Variants in MYO18B observed in about 807,000 individuals in gnomAD.
MYO18B encodes myosin XVIIIB.
MYO18B carries 204 observed loss-of-function variants against 273.0 expected under a neutral mutation model. That is an observed-to-expected ratio of 0.75 (90% CI 0.67 to 0.84). The LOEUF (loss-of-function observed/expected upper bound fraction) is 0.84, where lower values mean the gene tolerates loss of function less well. MYO18B is among the 40% of genes least tolerant of loss of function. The probability of loss-of-function intolerance (pLI) is 0.00; values close to 1 mark genes in which losing one functional copy is unlikely to be tolerated. For synonymous variants in MYO18B, 1,330 were observed against 1,305.7 expected (o/e 1.02, Z -0.40); for missense variants, 3,212 against 3,287.6 (o/e 0.98, Z 0.56).
At chr22:25,966,234 T>TTTTG (rs1469033839) in intron 39 of MYO18B, among the ~76,000 whole-genome samples, 1 of 152,188 alleles carries the variant, frequency 6.6e-6, no homozygotes, top group African/African-American at 2.4e-5. Context: ...AGGTTCTGTT[T>TTTTG]TTTGTTTGTT....
chr22:25,953,160 G>T (rs996820823), intron 38 of MYO18B, among the ~76,000 whole-genome samples: 1 of 152,172 alleles, frequency 6.6e-6, no homozygotes, highest in East Asian at 1.9e-4. Context: ...GGGAACACAG[G>T]TGTTCACTTC....
intron 12 of MYO18B, among the ~76,000 whole-genome samples, chr22:25,807,906 T>A (rs2088557048): frequency 6.6e-6 from 1 of 151,906 alleles, no homozygotes; most frequent in South Asian, 2.1e-4. Flanking sequence ...GCCTCACAGG[T>A]CTGTTTTGCA....
chr22:25,875,005 T>C (rs975903698), intron 23 of MYO18B, among the ~76,000 whole-genome samples: 2 of 152,246 alleles, frequency 1.3e-5, no homozygotes, highest in Non-Finnish European at 2.9e-5. Context: ...TACCTTAGAA[T>C]TGTTATTCTT....
At chr22:25,803,444 T>C in intron 12 of MYO18B, among the ~76,000 whole-genome samples, 1 of 152,130 alleles carries the variant, frequency 6.6e-6, no homozygotes, top group East Asian at 1.9e-4. Flanking sequence ...TGGGTCATAG[T>C]AACTGCTCAG....
chr22:25,781,609 C>CAAAAAAAAAAAAA, intron 9 of MYO18B, 125 bp from the exon 10 acceptor site: 1 of 275,480 alleles, frequency 3.6e-6, no homozygotes, highest in Non-Finnish European at 6.2e-6. Context: ...GACTCCGTCT[C>CAAAAAAAAAAAAA]AAAAAAAAAA....
chr22:25,792,418 G>GTCCT (rs1017292037), intron 11 of MYO18B, among the ~76,000 whole-genome samples: 8 of 150,502 alleles, frequency 5.3e-5, no homozygotes, highest in African/African-American at 2.0e-4. Flanking sequence ...ACTGACACCT[G>GTCCT]TCCTGCCCTC....
At chr22:25,833,493 ACTCT>A (rs1366561846) in intron 16 of MYO18B, among the ~76,000 whole-genome samples, 5 of 151,186 alleles carry the variant, frequency 3.3e-5, no homozygotes, top group African/African-American at 1.2e-4. Context: ...TCTTTACCTC[ACTCT>A]CTCCACCCCT....
chr22:25,816,920 G>C (rs2089039493), intron 12 of MYO18B, among the ~76,000 whole-genome samples: 1 of 152,198 alleles, frequency 6.6e-6, no homozygotes, highest in Admixed American at 6.5e-5. Flanking sequence ...ACCAGATGCA[G>C]CAAGATTATA....
At chr22:26,033,125 C>T (rs576486801), downstream of MYO18B, among the ~76,000 whole-genome samples, 2 of 152,312 alleles carry the variant, frequency 1.3e-5, no homozygotes, top group East Asian at 1.9e-4. Flanking sequence ...AACAGACTCA[C>T]ATTGCCTTCC....
chr22:25,876,037 TG>T (rs748058879), intron 23 of MYO18B, among the ~76,000 whole-genome samples, 151 bp from the exon 24 acceptor site: 11 of 140,714 alleles, frequency 7.8e-5, no homozygotes, highest in Non-Finnish European at 1.4e-4. Context: ...TGTGTGTGTG[TG>T]TGTGTGTATG....
intron 12 of MYO18B, among the ~76,000 whole-genome samples, chr22:25,806,374 AG>A (rs2088478674): frequency 6.6e-6 from 1 of 152,118 alleles, no homozygotes; most frequent in Non-Finnish European, 1.5e-5. Flanking sequence ...AGTTTATTAC[AG>A]ATTTGTCTCG....
At chr22:25,902,465 C>T (rs1158448362) in intron 29 of MYO18B, 148 bp from the exon 30 acceptor site, 2 of 901,336 alleles carry the variant, frequency 2.2e-6, no homozygotes, top group Non-Finnish European at 1.6e-6. Flanking sequence ...ACTTCTCATA[C>T]TTTCTCTATC....
intron 42 of MYO18B, among the ~76,000 whole-genome samples, chr22:26,017,399 C>T (rs1309028911): frequency 1.3e-5 from 2 of 151,862 alleles, no homozygotes; most frequent in Non-Finnish European, 2.9e-5. Context: ...TCCTCCTCTC[C>T]CTTCTCTTTT....
chr22:25,856,343 T>C (rs185003611), intron 21 of MYO18B, among the ~76,000 whole-genome samples: 3 of 152,364 alleles, frequency 2.0e-5, no homozygotes, highest in Admixed American at 6.5e-5. Flanking sequence ...AGAAGCCCTC[T>C]GAGGGCAGGC....
intron 8 of MYO18B, among the ~76,000 whole-genome samples, chr22:25,779,184 A>G (rs938287318): frequency 5.9e-5 from 9 of 152,146 alleles, no homozygotes; most frequent in African/African-American, 2.2e-4. Context: ...CAGGGGCAAT[A>G]TCCTCCCCAC....
At chr22:25,753,432 T>A (rs1046541432) in intron 1 of MYO18B, among the ~76,000 whole-genome samples, 9 of 152,024 alleles carry the variant, frequency 5.9e-5, no homozygotes, top group Non-Finnish European at 8.8e-5. Flanking sequence ...ACCAATCAGC[T>A]CTCTGTAAAA....
chr22:25,998,005 C>T (rs529954464), intron 40 of MYO18B, among the ~76,000 whole-genome samples: 44 of 120,682 alleles, frequency 3.6e-4, no homozygotes, highest in African/African-American at 1.5e-3. Context: ...GAGAGAGATG[C>T]TTCAGCTGCA....
chr22:26,062,161 G>T, the MYO18B span, among the ~76,000 whole-genome samples: 53 of 152,206 alleles, frequency 3.5e-4, no homozygotes, highest in Middle Eastern at 3.4e-3. Flanking sequence ...CCTTCTTCTG[G>T]TGACAGTATA....
chr22:25,868,317 C>A lies in MYO18B; in HGVS notation c.3886-3C>A. On this transcript the variant is annotated splice_region_variant and splice_polypyrimidine_tract_variant and intron_variant, in intron 21 of 43. Coordinates refer to ENST00000335473, the MANE Select transcript of MYO18B (RefSeq NM_032608.7). ...TCTAACTTCTCTCTAATTTTTTCCC[C>A]AGGCCGTGGAGGAGCTCCTGGAGAC... is the stretch of plus-strand genomic sequence containing the variant. 1 of 1,598,944 alleles carries A rather than the reference C, an allele frequency of 6.3e-7. No homozygotes were observed. The highest frequency in any genetic ancestry group is 2.3e-5 in the East Asian group (1 of 44,420).
Sources: allele counts gnomAD v4.1 joint callset (sites outside exome capture counted in the v4.1 genomes callset), GRCh38; gene constraint gnomAD v4.1.1; transcripts MANE v1.5; gene names NCBI Gene and HGNC (gene_info 2026-07-23, HGNC 2026-07-21).